L3MBTL2: variants seen among roughly 807,000 people sequenced by gnomAD.
The protein encoded by L3MBTL2 is L3MBTL histone methyl-lysine binding protein 2, also known as lethal(3)malignant brain tumor-like protein 2.
A neutral mutation model predicts 86.4 loss-of-function variants in L3MBTL2; 49 were observed. The ratio of observed to expected loss-of-function variants is 0.57; its 90% CI spans 0.45 to 0.72. L3MBTL2 has a LOEUF of 0.72. Among genes scored for constraint, L3MBTL2 ranks in the 30% least tolerant of loss-of-function variants. The probability of loss-of-function intolerance (pLI) is 0.00; values close to 1 mark genes in which losing one functional copy is unlikely to be tolerated. For missense variants in L3MBTL2, 755 were observed against 923.7 expected (o/e 0.82, Z 2.37); for synonymous variants, 336 against 350.6 (o/e 0.96, Z 0.47).
At chr22:41,216,999 T>A (rs976781895) in intron 4 of L3MBTL2, 124 bp from the exon 5 acceptor site, 4 of 701,786 alleles carry the variant, frequency 5.7e-6, no homozygotes, top group East Asian at 5.1e-5. Context: ...TGGGCAGCGC[T>A]GTGAGAGGGG....
intron 16 of L3MBTL2, 181 bp downstream of exon 16, chr22:41,229,837 T>C: frequency 1.9e-6 from 2 of 1,028,442 alleles, no homozygotes; most frequent in Non-Finnish European, 3.0e-6. Context: ...CAACTGTGAA[T>C]GGAGCTGAGT....
Position 41,225,027 on chromosome 22 carries a change from G to T in L3MBTL2, c.1312G>T (p.Asp438Tyr), listed in dbSNP as rs1448215540. 1 of 1,614,086 alleles carries T rather than the reference G, an allele frequency of 6.2e-7. No homozygotes were observed. Among genetic ancestry groups the T allele is most frequent in the Non-Finnish European group, 8.5e-7 (1 of 1,179,982 alleles). The change falls in exon 11 of 17, where the codon GAC (aspartate) becomes TAC (tyrosine). Residue 438 changes from aspartate (D) to tyrosine (Y), a missense_variant. Coordinates refer to ENST00000216237, the MANE Select transcript of L3MBTL2 (RefSeq NM_031488.5). This position sits in a 1 kb window ranked among gnomAD's most constrained non-coding sequence, Gnocchi z 4.1. ...GGAAGGGATGAAGCTGGAGGCCATT[G>T]ACCCCCTGAATCTGGGCAACATCTG... ...FEEGMKLEAI[D>Y]PLNLGNICVA...
chr22:41,222,854 G>A (rs766174830), intron 8 of L3MBTL2, among the ~76,000 whole-genome samples: 6 of 152,164 alleles, frequency 3.9e-5, no homozygotes, highest in South Asian at 2.1e-4. Flanking sequence ...CCGGGAGGCC[G>A]AAGTTGCAGT....
chr22:41,227,240 G>A lies in L3MBTL2; in HGVS notation c.1739G>A (p.Trp580Ter). 3 of 1,613,224 alleles carry A rather than the reference G, an allele frequency of 1.9e-6. No individual in the cohort carries two copies. The highest frequency in any genetic ancestry group is 1.7e-6 in the Non-Finnish European group (2 of 1,179,958). The change falls in exon 14 of 17, where the codon TGG becomes TAG. Residue 580 changes from tryptophan to a stop codon, truncating the protein, a stop_gained. Coordinates refer to ENST00000216237, the MANE Select transcript of L3MBTL2 (RefSeq NM_031488.5). LOFTEE classifies it high-confidence loss of function. The surrounding 1 kb of genome is among the most constrained non-coding windows in gnomAD (Gnocchi z 6.0). ...GGCTGGGACAGCGAGTACGACCAGT[G>A]GGTGGACTGCGAGTCCCCAGACATC... ...FDGWDSEYDQ[W>*]VDCESPDIYP...
intron 8 of L3MBTL2, among the ~76,000 whole-genome samples, chr22:41,222,774 G>C (rs1464699438): frequency 6.6e-6 from 1 of 152,194 alleles, no homozygotes; most frequent in Non-Finnish European, 1.5e-5. Context: ...ACAAAAATTA[G>C]CTGGGTGTGG....
At chr22:41,209,994 G>C in intron 2 of L3MBTL2, 61 bp downstream of exon 2, 2 of 1,581,730 alleles carry the variant, frequency 1.3e-6, no homozygotes, top group Non-Finnish European at 1.7e-6. Context: ...GGAAGAGGGG[G>C]GTGGATATAG....
chr22:41,220,539 A>C (rs2031730383), intron 6 of L3MBTL2, among the ~76,000 whole-genome samples, 195 bp from the exon 7 acceptor site: 1 of 152,016 alleles, frequency 6.6e-6, no homozygotes, highest in African/African-American at 2.4e-5. Flanking sequence ...TACAAAAAAA[A>C]ATCAGCCGGG....
chr22:41,225,068 T>C lies in L3MBTL2; in HGVS notation c.1353T>C (p.Cys451=), dbSNP rs1386293648. 1 of 1,612,644 alleles carries C rather than the reference T, an allele frequency of 6.2e-7. No individual in the cohort carries two copies. Among genetic ancestry groups the C allele is most frequent in the Admixed American group, 1.7e-5 (1 of 59,830 alleles). ...GCAACATCTGCGTGGCAACTGTCTG[T>C]AAGGTGAGCCAGGGGCCGGCTCTCC... is the stretch of plus-strand genomic sequence containing the variant. The part of the protein sequence containing the change: ...NLGNICVATV[C]KVLLDGYLMI... Residue 451 remains cysteine, a synonymous_variant, in exon 11 of 17, where the codon TGT becomes TGC. Coordinates refer to ENST00000216237, the MANE Select transcript of L3MBTL2 (RefSeq NM_031488.5). This position sits in a 1 kb window ranked among gnomAD's most constrained non-coding sequence, Gnocchi z 4.1.
chr22:41,214,237 C>T (rs898577474), intron 3 of L3MBTL2: 6 of 527,664 alleles, frequency 1.1e-5, no homozygotes, highest in Admixed American at 9.6e-5. Flanking sequence ...CATTACCTAC[C>T]ATCATCCCCC....
At position 41,224,883 on chromosome 22, in the gene L3MBTL2, C is replaced by T. The variant is rs1455048951; in HGVS notation, c.1251+82C>T. ...AGGGACCTGGCTCTTCCCCTGGGACCATCCCTTTCCCTCCTGAGGCCTGCT... is the reference window on the plus strand; with the variant it reads ...AGGGACCTGGCTCTTCCCCTGGGACTATCCCTTTCCCTCCTGAGGCCTGCT... On this transcript the variant is annotated intron_variant, in intron 10 of 16. Coordinates refer to ENST00000216237, the MANE Select transcript of L3MBTL2 (RefSeq NM_031488.5). The surrounding 1 kb of genome is among the most constrained non-coding windows in gnomAD (Gnocchi z 4.9). The T allele has an allele frequency of 6.4e-7, 1 of 1,554,706 alleles. No homozygotes were observed. The highest frequency in any genetic ancestry group is 1.4e-5 in the African/African-American group (1 of 73,652).
chr22:41,219,234 C>T, intron 5 of L3MBTL2, 185 bp from the exon 6 acceptor site: 1 of 520,838 alleles, frequency 1.9e-6, no homozygotes, highest in Admixed American at 3.0e-5. Flanking sequence ...TCCACCTCTA[C>T]TCCCGGCTTA....
At position 41,224,797 on chromosome 22, in the gene L3MBTL2, A is replaced by G; in HGVS notation, c.1247A>G (p.Lys416Arg). The G allele has an allele frequency of 6.2e-7, 1 of 1,613,322 alleles. No homozygotes were observed. The highest frequency in any genetic ancestry group is 2.2e-5 in the East Asian group (1 of 44,884). The change falls in exon 10 of 17, where the codon AAG becomes AGG. Residue 416 changes from lysine to arginine, a missense_variant. Lys to Arg is a conservative substitution (Grantham distance 26, BLOSUM62 2). Transcript: ENST00000216237. The surrounding 1 kb of genome is among the most constrained non-coding windows in gnomAD (Gnocchi z 4.9). ...IYCDAVPYLFKKVRAVYTEGG... is the reference protein window; with the variant it reads ...IYCDAVPYLFRKVRAVYTEGG... The stretch of plus-strand genomic sequence containing the variant: ...TGTGATGCCGTTCCTTACCTCTTCA[A>G]GAAGGTGAGGTTCAGCTCTTGGGCG...
chr22:41,227,904 G>A lies in L3MBTL2; in HGVS notation c.1888+35G>A, dbSNP rs2032302924. ...GCACCGGTGCAGCCAGGCTGGTGTGGGCCTGGGAGCAGTGGGCCTGCGTCC... is the reference window on the plus strand; with the variant it reads ...GCACCGGTGCAGCCAGGCTGGTGTGAGCCTGGGAGCAGTGGGCCTGCGTCC... On this transcript the variant is annotated intron_variant, in intron 15 of 16. Coordinates refer to ENST00000216237, the MANE Select transcript of L3MBTL2 (RefSeq NM_031488.5). The surrounding 1 kb of genome is among the most constrained non-coding windows in gnomAD (Gnocchi z 6.0). 3 of 1,607,356 alleles carry A rather than the reference G, an allele frequency of 1.9e-6. No homozygotes were observed. The highest frequency in any genetic ancestry group is 4.5e-5 in the East Asian group (2 of 44,672).
chr22:41,220,540 A>T (rs547939626), intron 6 of L3MBTL2, among the ~76,000 whole-genome samples, 194 bp from the exon 7 acceptor site: 2 of 152,190 alleles, frequency 1.3e-5, no homozygotes, highest in African/African-American at 4.8e-5. Flanking sequence ...ACAAAAAAAA[A>T]TCAGCCGGGC....
intron 15 of L3MBTL2, chr22:41,228,301 G>T: frequency 1.0e-6 from 1 of 985,482 alleles, no homozygotes; most frequent in Non-Finnish European, 1.2e-6. Flanking sequence ...GGTGGGAGAG[G>T]GTGGGAGCAA....
chr22:41,224,261 G>A lies in L3MBTL2; in HGVS notation c.1174+10G>A, dbSNP rs1017116942. 6.2e-7 allele frequency: 1 copy of A among 1,601,974 alleles called. No individual in the cohort carries two copies. On this transcript the variant is annotated intron_variant, in intron 9 of 16. Transcript: ENST00000216237. This position sits in a 1 kb window ranked among gnomAD's most constrained non-coding sequence, Gnocchi z 4.9. ...GGCATCAAGATGTCAGGTTAGCAGA[G>A]CCCCAGGCCAGAGGGACTGCATGCT...
Position 41,227,458 on chromosome 22 carries a change from G to A in L3MBTL2, c.1822+135G>A, listed in dbSNP as rs2032266426. ...TCATGGACCACTTTAAGTAGAGAGT[G>A]AGCCCCGTCACCCAGCCCCTGCTCC... On this transcript the variant is annotated intron_variant, in intron 14 of 16. Coordinates refer to ENST00000216237, the MANE Select transcript of L3MBTL2 (RefSeq NM_031488.5). This position sits in a 1 kb window ranked among gnomAD's most constrained non-coding sequence, Gnocchi z 6.0. 3.4e-6 allele frequency: 4 copies of A among 1,190,884 alleles called. No individual in the cohort carries two copies. The highest frequency in any genetic ancestry group is 4.0e-5 in the Admixed American group (2 of 50,154). 73.8% of individuals were successfully genotyped at this position (1,190,884 alleles called of 1,614,324 possible). A position where few individuals can be genotyped will look rare whatever the true frequency, so the allele number is the denominator to read the frequency against.
chr22:41,224,837 C>T lies in L3MBTL2; in HGVS notation c.1251+36C>T. 6.3e-7 allele frequency: 1 copy of T among 1,587,310 alleles called. No individual in the cohort carries two copies. Among genetic ancestry groups the T allele is most frequent in the Non-Finnish European group, 8.7e-7 (1 of 1,155,676 alleles). On this transcript the variant is annotated intron_variant, in intron 10 of 16. Transcript: ENST00000216237. This position sits in a 1 kb window ranked among gnomAD's most constrained non-coding sequence, Gnocchi z 4.9. ...GCTCTTGGGCGCTTTTCCCCTCAGC[C>T]ATGGGTCCATTCCGGGCCTGAGGGA...
intron 3 of L3MBTL2, among the ~76,000 whole-genome samples, chr22:41,214,913 A>G (rs1161563417): frequency 6.6e-6 from 1 of 152,184 alleles, no homozygotes; most frequent in African/African-American, 2.4e-5. Flanking sequence ...CGGGAGGCTG[A>G]GGCAGGAGAA....
Sources: gnomAD v4.1 joint callset for allele counts (sites outside exome capture counted in the v4.1 genomes callset) on GRCh38, gnomAD v4.1.1 for gene constraint, Gnocchi (gnomAD v3.1) non-coding constraint, MANE v1.5 for transcripts, NCBI Gene and HGNC (gene_info 2026-07-23, HGNC 2026-07-21) for gene names.